Variants in EEFSEC observed in about 807,000 individuals in gnomAD.
EEFSEC encodes selenocysteine-specific elongation factor.
Under a neutral mutation model 42.1 loss-of-function variants are expected in EEFSEC, and 43 were observed. The observed-to-expected ratio is 1.02, with a 90% confidence interval of 0.80 to 1.32. EEFSEC has a LOEUF of 1.32. Among genes scored for constraint, EEFSEC ranks in the 40% most tolerant of loss-of-function variants. The pLI is 0.00. For synonymous variants in EEFSEC, 354 were observed against 339.1 expected (o/e 1.04, Z -0.48); for missense variants, 745 against 803.6 (o/e 0.93, Z 0.88).
At chr3:128,276,452 A>G (rs1463421980) in intron 4 of EEFSEC, among the ~76,000 whole-genome samples, 2 of 152,318 alleles carry the variant, frequency 1.3e-5, no homozygotes. Flanking sequence ...GATTTGTCAC[A>G]TACTGTGCAG....
intron 5 of EEFSEC, 85 bp from the exon 6 acceptor site, chr3:128,358,132 G>A (rs933751033): frequency 6.1e-5 from 94 of 1,538,224 alleles, no homozygotes; most frequent in Non-Finnish European, 8.0e-5. Context: ...TAGGGCCCGG[G>A]AGAGCTGGGG....
At chr3:128,290,128 G>T (rs576571251) in intron 4 of EEFSEC, among the ~76,000 whole-genome samples, 2 of 152,128 alleles carry the variant, frequency 1.3e-5, no homozygotes, top group African/African-American at 4.8e-5. Context: ...TGCCTTTTGT[G>T]TCCTCTCTAG....
intron 4 of EEFSEC, among the ~76,000 whole-genome samples, chr3:128,310,909 A>G (rs1404665840): frequency 1.3e-5 from 2 of 152,176 alleles, no homozygotes; most frequent in Non-Finnish European, 2.9e-5. Context: ...GCTGCAGGTG[A>G]CTATTACAGT....
At chr3:128,265,831 A>T (rs1420065354) in intron 4 of EEFSEC, among the ~76,000 whole-genome samples, 2 of 152,206 alleles carry the variant, frequency 1.3e-5, no homozygotes, top group Admixed American at 1.3e-4. Flanking sequence ...GTATCTATAG[A>T]TACATAGGTA....
intron 4 of EEFSEC, among the ~76,000 whole-genome samples, chr3:128,289,927 A>T (rs1352377246): frequency 6.6e-6 from 1 of 152,172 alleles, no homozygotes; most frequent in Non-Finnish European, 1.5e-5. Context: ...ACATTTTTAT[A>T]TTAGGTTGTT....
intron 4 of EEFSEC, among the ~76,000 whole-genome samples, chr3:128,286,078 T>G (rs1238340385): frequency 6.6e-6 from 1 of 152,276 alleles, no homozygotes; most frequent in African/African-American, 2.4e-5. Flanking sequence ...GTGTGTACCC[T>G]ATGCCAAGCT....
At chr3:128,238,425 C>A (rs776987212) in intron 1 of EEFSEC, among the ~76,000 whole-genome samples, 1 of 152,198 alleles carries the variant, frequency 6.6e-6, no homozygotes, top group Non-Finnish European at 1.5e-5. Context: ...TCCAGATCCT[C>A]AGGCATCTTT....
At chr3:128,205,625 C>T (rs2065689549) in intron 1 of EEFSEC, among the ~76,000 whole-genome samples, 1 of 152,226 alleles carries the variant, frequency 6.6e-6, no homozygotes, top group African/African-American at 2.4e-5. Flanking sequence ...CATTAAGTTG[C>T]CGTCAGCCTC....
intron 1 of EEFSEC, among the ~76,000 whole-genome samples, chr3:128,161,720 A>G (rs73192983): frequency 6.6e-6 from 1 of 152,286 alleles, no homozygotes; most frequent in Non-Finnish European, 1.5e-5. Context: ...GCCCATGTGG[A>G]GAAGGCTCTT....
the EEFSEC span, among the ~76,000 whole-genome samples, chr3:128,418,002 A>C: frequency 6.6e-6 from 1 of 151,756 alleles, no homozygotes; most frequent in East Asian, 2.0e-4. Flanking sequence ...GGGCCTTCCC[A>C]TCTGATTGGG....
At chr3:128,236,302 C>G (rs1350674607) in intron 1 of EEFSEC, among the ~76,000 whole-genome samples, 1 of 152,230 alleles carries the variant, frequency 6.6e-6, no homozygotes, top group Admixed American at 6.5e-5. Context: ...TTTGAGGTGA[C>G]TCGGCCTCCT....
At chr3:128,420,891 T>C in the EEFSEC span, among the ~76,000 whole-genome samples, 1 of 152,112 alleles carries the variant, frequency 6.6e-6, no homozygotes, top group Non-Finnish European at 1.5e-5. Flanking sequence ...TGGAAACATA[T>C]GCAGGTTCCA....
At chr3:128,192,531 G>A (rs2065536734) in intron 1 of EEFSEC, among the ~76,000 whole-genome samples, 1 of 152,178 alleles carries the variant, frequency 6.6e-6, no homozygotes, top group African/African-American at 2.4e-5. Context: ...TACCCCAGAA[G>A]ATCAGGACTC....
chr3:128,404,800 A>G (rs1470987159), intron 6 of EEFSEC, among the ~76,000 whole-genome samples: 3 of 152,214 alleles, frequency 2.0e-5, no homozygotes, highest in Non-Finnish European at 2.9e-5. Context: ...CCCCAAGGCC[A>G]TAGTGTCACA....
intron 1 of EEFSEC, among the ~76,000 whole-genome samples, chr3:128,190,063 A>C (rs1318438528): frequency 6.6e-6 from 1 of 152,102 alleles, no homozygotes; most frequent in Non-Finnish European, 1.5e-5. Flanking sequence ...GGGTTTCACC[A>C]TGTCCCCCAG....
chr3:128,417,246 C>A, the EEFSEC span, among the ~76,000 whole-genome samples: 1 of 152,114 alleles, frequency 6.6e-6, no homozygotes, highest in Non-Finnish European at 1.5e-5. The surrounding 1 kb of genome is among the most constrained non-coding windows in gnomAD (Gnocchi z 4.3). Context: ...TTCCTCAGGG[C>A]AATTGCCAGA....
chr3:128,406,873 CAT>C (rs1208748521), intron 6 of EEFSEC, among the ~76,000 whole-genome samples: 2 of 151,180 alleles, frequency 1.3e-5, no homozygotes, highest in African/African-American at 2.4e-5. Flanking sequence ...CATATATATA[CAT>C]ACATATATAT....
At chr3:128,306,433 C>T (rs1465754772) in intron 4 of EEFSEC, among the ~76,000 whole-genome samples, 3 of 152,128 alleles carry the variant, frequency 2.0e-5, no homozygotes, top group Admixed American at 6.5e-5. Flanking sequence ...ATTAGTGGCC[C>T]CTTTGACTCA....
chr3:128,174,292 A>G (rs2065327144), intron 1 of EEFSEC, among the ~76,000 whole-genome samples: 1 of 152,200 alleles, frequency 6.6e-6, no homozygotes, highest in South Asian at 2.1e-4. Flanking sequence ...AGTTTACAAT[A>G]CCTACATCAG....
Sources: gnomAD v4.1 joint callset for allele counts (sites outside exome capture counted in the v4.1 genomes callset) on GRCh38, gnomAD v4.1.1 for gene constraint, Gnocchi (gnomAD v3.1) non-coding constraint, MANE v1.5 for transcripts, NCBI Gene and HGNC (gene_info 2026-07-23, HGNC 2026-07-21) for gene names.